PAX1: variants seen among roughly 807,000 people sequenced by gnomAD.
PAX1 encodes the protein paired box 1.
A neutral mutation model predicts 35.6 loss-of-function variants in PAX1; 18 were observed. The observed-to-expected ratio is 0.50, with a 90% confidence interval of 0.35 to 0.75. The LOEUF (loss-of-function observed/expected upper bound fraction) is 0.75, where lower values mean the gene tolerates loss of function less well. Ranked by LOEUF, PAX1 falls within the 30% of genes least tolerant of loss-of-function variation. The probability of loss-of-function intolerance (pLI) is 0.01; values close to 1 mark genes in which losing one functional copy is unlikely to be tolerated. For missense variants in PAX1, 760 were observed against 661.5 expected (o/e 1.15, Z -1.63); for synonymous variants, 397 against 305.2 (o/e 1.30, Z -3.14).
rs1984963934 is a variant in PAX1, at chr20:21,705,863, C to T, written c.151C>T (p.Arg51Trp). The change falls in exon 1 of 5, where the codon CGG becomes TGG. Residue 51 changes from arginine (R) to tryptophan (W), a missense_variant. Arg to Trp is a moderately radical substitution (Grantham distance 101). This residue lies in a region of PAX1 where 222 missense variants were observed against 153.0 expected (regional missense o/e 1.45). Transcript: ENST00000613128. ...CCCGCGGCTGGGCCGCCGCGGCTCTCGGCTCTCGGGCGCCCTCCCTCTATG... is the reference window on the plus strand; with the variant it reads ...CCCGCGGCTGGGCCGCCGCGGCTCTTGGCTCTCGGGCGCCCTCCCTCTATG... ...SSPRLGRRGSRLSGALPLCLS... is the reference protein window; with the variant it reads ...SSPRLGRRGSWLSGALPLCLS... 1 of 1,385,262 alleles carries T rather than the reference C, an allele frequency of 7.2e-7. No individual in the cohort carries two copies. Among genetic ancestry groups the T allele is most frequent in the East Asian group, 3.3e-5 (1 of 30,196 alleles). 85.8% of individuals were successfully genotyped at this position (1,385,262 alleles called of 1,614,324 possible).
rs375814606 is a variant in PAX1, at chr20:21,708,518, A to G, written c.917-40A>G. ...TTGGCCACACGTGTGCCCAGGGCAGATTCGGAGGCACCTTTTAATCCGTCC... is the reference window on the plus strand; with the variant it reads ...TTGGCCACACGTGTGCCCAGGGCAGGTTCGGAGGCACCTTTTAATCCGTCC... On this transcript the variant is annotated intron_variant, in intron 2 of 4. Coordinates refer to ENST00000613128, the MANE Select transcript of PAX1 (RefSeq NM_001257096.2). 44 of 1,611,738 alleles carry G rather than the reference A, an allele frequency of 2.7e-5. No homozygotes were observed. The African/African-American group carries it at 5.2e-4, about 19-fold the overall frequency.
chr20:21,705,872 G>T lies in PAX1; in HGVS notation c.160G>T (p.Gly54Cys). Residue 54 changes from glycine to cysteine, a missense_variant, in exon 1 of 5, where the codon GGC becomes TGC. By Grantham distance (159) the Gly-to-Cys change is radical. Transcript: ENST00000613128. Reference sequence around the variant, plus strand: ...GGGCCGCCGCGGCTCTCGGCTCTCGGGCGCCCTCCCTCTATGCCTCTCACG... The same window carrying T: ...GGGCCGCCGCGGCTCTCGGCTCTCGTGCGCCCTCCCTCTATGCCTCTCACG... Reference protein sequence around the residue: ...RLGRRGSRLSGALPLCLSRGG... With the variant: ...RLGRRGSRLSCALPLCLSRGG... 7.2e-7 allele frequency: 1 copy of T among 1,394,056 alleles called. No individual in the cohort carries two copies. 86.4% of individuals were successfully genotyped at this position (1,394,056 alleles called of 1,614,324 possible).
Position 21,715,210 on chromosome 20 carries a change from C to G in PAX1, c.*648C>G, listed in dbSNP as rs539436122. On this transcript the variant is annotated 3_prime_UTR_variant, in exon 5 of 5. Coordinates refer to ENST00000613128, the MANE Select transcript of PAX1 (RefSeq NM_001257096.2). ...TTTGTTTTACTGCTTCCCCAACCCT[C>G]CCTCAGTCCCTGAGAGCCCTAGAGC... is the stretch of plus-strand genomic sequence containing the variant. The G allele has an allele frequency of 4.0e-6, 1 of 250,490 alleles. No homozygotes were observed. Among genetic ancestry groups the G allele is most frequent in the Non-Finnish European group, 7.7e-6 (1 of 129,158 alleles). 15.5% of individuals were successfully genotyped at this position (250,490 alleles called of 1,614,324 possible). A position where few individuals can be genotyped will look rare whatever the true frequency, so the allele number is the denominator to read the frequency against.
intron 2 of PAX1, 59 bp downstream of exon 2, chr20:21,707,126 C>T (rs1568694432): frequency 1.9e-6 from 3 of 1,601,960 alleles, no homozygotes; most frequent in Admixed American, 1.7e-5. Context: ...GGCGGGCAGG[C>T]TTGCAGGAGA....
chr20:21,705,884 C>T lies in PAX1; in HGVS notation c.172C>T (p.Leu58=). 5 of 1,405,306 alleles carry T rather than the reference C, an allele frequency of 3.6e-6. No homozygotes were observed. Among genetic ancestry groups the T allele is most frequent in the Non-Finnish European group, 4.6e-6 (5 of 1,080,354 alleles). 87.1% of individuals were successfully genotyped at this position (1,405,306 alleles called of 1,614,324 possible). The change falls in exon 1 of 5, where the codon CTA becomes TTA. Residue 58 remains leucine (L), a synonymous_variant. Transcript: ENST00000613128. The part of the protein sequence containing the change: ...RGSRLSGALP[L]CLSRGGGGAQ... Reference sequence around the variant, plus strand: ...CTCTCGGCTCTCGGGCGCCCTCCCTCTATGCCTCTCACGCGGCGGCGGCGG... The same window carrying T: ...CTCTCGGCTCTCGGGCGCCCTCCCTTTATGCCTCTCACGCGGCGGCGGCGG...
At chr20:21,707,135 G>C (rs940411405) in intron 2 of PAX1, 68 bp downstream of exon 2, 16 of 1,587,092 alleles carry the variant, frequency 1.0e-5, no homozygotes, top group Non-Finnish European at 1.4e-5. Context: ...GCTTGCAGGA[G>C]AGGACTCACA....
chr20:21,714,414 C>T, intron 4 of PAX1, 57 bp from the exon 5 acceptor site: 2 of 1,332,752 alleles, frequency 1.5e-6, no homozygotes, highest in Non-Finnish European at 2.1e-6. Context: ...GTCCCAGTGC[C>T]TCTCGCACTG....
intron 2 of PAX1, among the ~76,000 whole-genome samples, 170 bp downstream of exon 2, chr20:21,707,237 C>G (rs1165330535): frequency 6.6e-6 from 1 of 152,128 alleles, no homozygotes; most frequent in African/African-American, 2.4e-5. Context: ...TAAGAGACCT[C>G]GGACATCTTG....
rs1311258575 is a variant in PAX1, at chr20:21,706,828, G to A, written c.677G>A (p.Gly226Asp). 6 of 1,613,444 alleles carry A rather than the reference G, an allele frequency of 3.7e-6. No homozygotes were observed. Among genetic ancestry groups the A allele is most frequent in the Non-Finnish European group, 5.1e-6 (6 of 1,180,014 alleles). The change falls in exon 2 of 5, where the codon GGC (glycine) becomes GAC (aspartate). Residue 226 changes from glycine (G) to aspartate (D), a missense_variant. This residue lies in a region of PAX1 where 490 missense variants were observed against 428.4 expected (regional missense o/e 1.14). Transcript: ENST00000613128. This position sits in a 1 kb window ranked among gnomAD's most constrained non-coding sequence, Gnocchi z 5.3. ...SISRILRNKI[G>D]SLAQPGPYEA... ...AGCCGCATCCTGCGCAACAAGATCG[G>A]CAGCCTGGCGCAGCCCGGACCGTAC... is the stretch of plus-strand genomic sequence containing the variant.
In PAX1 at chr20:21,706,477, T is replaced by C; in HGVS notation, c.326T>C (p.Phe109Ser). 1 of 1,611,318 alleles carries C rather than the reference T, an allele frequency of 6.2e-7. No individual in the cohort carries two copies. Among genetic ancestry groups the C allele is most frequent in the Non-Finnish European group, 8.5e-7 (1 of 1,178,900 alleles). ...GAGGTGAACCAGCTGGGCGGTGTGT[T>C]CGTCAACGGCCGCCCCCTGCCCAAC... ...YGEVNQLGGVFVNGRPLPNAI... is the reference protein window; with the variant it reads ...YGEVNQLGGVSVNGRPLPNAI... The change falls in exon 2 of 5, where the codon TTC (phenylalanine) becomes TCC (serine). Residue 109 changes from phenylalanine (F) to serine (S), a missense_variant. Phe to Ser is a radical substitution (Grantham distance 155). This residue lies in a region of PAX1 where 48 missense variants were observed against 80.0 expected (regional missense o/e 0.60). Coordinates refer to ENST00000613128, the MANE Select transcript of PAX1 (RefSeq NM_001257096.2). This position sits in a 1 kb window ranked among gnomAD's most constrained non-coding sequence, Gnocchi z 5.3.
Position 21,706,790 on chromosome 20 carries a change from G to C in PAX1, c.639G>C (p.Ser213=). 1.2e-6 allele frequency: 2 copies of C among 1,613,510 alleles called. No homozygotes were observed. Among genetic ancestry groups the C allele is most frequent in the Middle Eastern group, 1.6e-4 (1 of 6,062 alleles). ...TCTGTGACAAGTACAATGTGCCTTC[G>C]GTGAGCTCCATCAGCCGCATCCTGC... is the stretch of plus-strand genomic sequence containing the variant. ...DGVCDKYNVP[S]VSSISRILRN... Residue 213 remains serine, a synonymous_variant, in exon 2 of 5, where the codon TCG becomes TCC. Coordinates refer to ENST00000613128, the MANE Select transcript of PAX1 (RefSeq NM_001257096.2). The surrounding 1 kb of genome is among the most constrained non-coding windows in gnomAD (Gnocchi z 5.3).
At chr20:21,708,774 G>T in intron 3 of PAX1, 74 bp downstream of exon 3, 1 of 1,532,462 alleles carries the variant, frequency 6.5e-7, no homozygotes, top group Non-Finnish European at 9.0e-7. Flanking sequence ...GAAAAAGAGA[G>T]AGAAAGAAAA....
Position 21,709,365 on chromosome 20 carries a change from G to A in PAX1, c.1203G>A (p.Leu401=), listed in dbSNP as rs1026250839. 5 of 1,579,664 alleles carry A rather than the reference G, an allele frequency of 3.2e-6. No individual in the cohort carries two copies. In the South Asian group the frequency reaches 4.5e-5, roughly 14 times the overall value. Reference sequence around the variant, plus strand: ...GGCCGCCTGCGCAAGGTCCTCCTCTGGCGCCCCCCGGGGCCGGCGTAGCTG... The same window carrying A: ...GGCCGCCTGCGCAAGGTCCTCCTCTAGCGCCCCCCGGGGCCGGCGTAGCTG... The part of the protein sequence containing the change: ...PPWPPAQGPP[L]APPGAGVAVH... Residue 401 remains leucine (L), a synonymous_variant, in exon 4 of 5, where the codon CTG becomes CTA. Coordinates refer to ENST00000613128, the MANE Select transcript of PAX1 (RefSeq NM_001257096.2).
At position 21,710,152 on chromosome 20, in the gene PAX1, G is replaced by A. The variant is rs1052246433; in HGVS notation, c.1282+708G>A. Among the ~76,000 whole-genome samples, 7 of 151,996 alleles carry A rather than the reference G, an allele frequency of 4.6e-5. No individual in the cohort carries two copies. The South Asian group carries it at 1.0e-3, about 23-fold the overall frequency. On this transcript the variant is annotated intron_variant, in intron 4 of 4. Coordinates refer to ENST00000613128, the MANE Select transcript of PAX1 (RefSeq NM_001257096.2). ...GCCTGGGAGTCTTGCCTCCTTTTCC[G>A]CTTCCTCCTTCTCTTCCTTTTCCAT...
rs1047808037 is a variant in PAX1, at chr20:21,715,011, G to A, written c.*449G>A. The A allele has an allele frequency of 1.3e-5, 8 of 638,366 alleles. No individual in the cohort carries two copies. The highest frequency in any genetic ancestry group is 2.0e-5 in the Non-Finnish European group (7 of 357,174). 39.5% of individuals were successfully genotyped at this position (638,366 alleles called of 1,614,324 possible). ...ACCCCGGCTTTCCCCGACCTTCCAGGGCTCCCTCTGCCCTTCCACTCTCTT... is the reference window on the plus strand; with the variant it reads ...ACCCCGGCTTTCCCCGACCTTCCAGAGCTCCCTCTGCCCTTCCACTCTCTT... On this transcript the variant is annotated 3_prime_UTR_variant, in exon 5 of 5. Coordinates refer to ENST00000613128, the MANE Select transcript of PAX1 (RefSeq NM_001257096.2).
chr20:21,708,470 G>T, intron 2 of PAX1, 88 bp from the exon 3 acceptor site: 1 of 1,509,226 alleles, frequency 6.6e-7, no homozygotes, highest in South Asian at 1.1e-5. Flanking sequence ...CCCTGGCCGT[G>T]TCTTCAGATA....
In PAX1 at chr20:21,716,205, ACAATCCCAGGCTAC is replaced by A. The variant is rs1985366219; in HGVS notation, c.*1647_*1660del. 1 of 152,380 alleles carries A rather than the reference ACAATCCCAGGCTAC, an allele frequency of 6.6e-6. No homozygotes were observed. Among genetic ancestry groups the A allele is most frequent in the South Asian group, 2.1e-4 (1 of 4,834 alleles). The allele number at this position is 152,380 out of a possible 1,614,324, so 9.4% of individuals were successfully genotyped here. ...TCTAGTATTCTAAAAGCTAAAGAAG[ACAATCCCAGGCTAC>A]CAAGTAATCTAGGGGGTTTGCACTA... On this transcript the variant is annotated 3_prime_UTR_variant, in exon 5 of 5. Transcript: ENST00000613128.
intron 4 of PAX1, among the ~76,000 whole-genome samples, 182 bp downstream of exon 4, chr20:21,709,626 G>A (rs370651600): frequency 1.3e-5 from 2 of 152,268 alleles, no homozygotes; most frequent in East Asian, 3.9e-4. Flanking sequence ...TCTGACAGGT[G>A]TCCCTATAAA....
rs929096603 is a variant in PAX1 at position 21,714,466 on chromosome 20, C to A, written c.1283-5C>A. ...GATCCGACGCCTCTGTGCTTCCTCC[C>A]GCAGTGGCTGACAGGAAGCCTCCCA... is the stretch of plus-strand genomic sequence containing the variant. On this transcript the variant is annotated splice_polypyrimidine_tract_variant and splice_region_variant and intron_variant, in intron 4 of 4. Transcript: ENST00000613128. The A allele has an allele frequency of 3.2e-6, 5 of 1,563,984 alleles. No individual in the cohort carries two copies. Among genetic ancestry groups the A allele is most frequent in the Non-Finnish European group, 4.3e-6 (5 of 1,156,638 alleles).
Sources: gnomAD v4.1 joint callset for allele counts (sites outside exome capture counted in the v4.1 genomes callset) on GRCh38, gnomAD v4.1.1 for gene constraint, gnomAD v4.1.1 regional missense constraint, Gnocchi (gnomAD v3.1) non-coding constraint, MANE v1.5 for transcripts, NCBI Gene and HGNC (gene_info 2026-07-23, HGNC 2026-07-21) for gene names.